SGSH: variants seen among roughly 807,000 people sequenced by gnomAD.
SGSH encodes heparan sulfate sulfatase.
A neutral mutation model predicts 51.0 loss-of-function variants in SGSH; 48 were observed. The ratio of observed to expected loss-of-function variants is 0.94; its 90% CI spans 0.75 to 1.20. SGSH has a LOEUF of 1.20. Among genes scored for constraint, SGSH ranks in the 50% most tolerant of loss-of-function variants. SGSH has a pLI of 0.00. For synonymous variants in SGSH, 321 were observed against 313.4 expected, an observed-to-expected ratio of 1.02 and a Z score of -0.26; for missense variants, 662 against 717.8, an observed-to-expected ratio of 0.92 and a Z score of 0.89.
At chr17:80,205,011 C>A (rs767476687), downstream of SGSH, 6 of 1,533,710 alleles carry the variant, frequency 3.9e-6, no homozygotes, top group South Asian at 7.4e-5. Context: ...GCCTCACCCA[C>A]CCTCAGGATC....
chr17:80,218,039 T>C (rs938539043), intron 1 of SGSH, among the ~76,000 whole-genome samples: 1 of 152,218 alleles, frequency 6.6e-6, no homozygotes, highest in Non-Finnish European at 1.5e-5. Context: ...GCAGGCATGA[T>C]GACCCAACAA....
At chr17:80,204,265 C>T (rs1598706887), downstream of SGSH, 2 of 1,599,320 alleles carry the variant, frequency 1.3e-6, no homozygotes, top group Non-Finnish European at 1.7e-6. Context: ...TCCGCATCGT[C>T]AGTATGGACA....
chr17:80,208,122 A>C, downstream of SGSH: 1 of 1,515,268 alleles, frequency 6.6e-7, no homozygotes, highest in Non-Finnish European at 8.9e-7. Context: ...GCCCCCCCCA[A>C]CTCTGGCCTG....
the SGSH span, chr17:80,201,706 C>T: frequency 6.2e-7 from 1 of 1,612,764 alleles, no homozygotes; most frequent in Non-Finnish European, 8.5e-7. This position sits in a 1 kb window ranked among gnomAD's most constrained non-coding sequence, Gnocchi z 5.0. Flanking sequence ...ATTCAGAGTC[C>T]CGGGGGAAAG....
At chr17:80,211,129 GA>G in intron 7 of SGSH, 118 bp from the exon 8 acceptor site, 1 of 1,532,128 alleles carries the variant, frequency 6.5e-7, no homozygotes, top group Non-Finnish European at 8.7e-7. Context: ...TCAGCAGCGG[GA>G]GGTGCCTTGT....
In SGSH at chr17:80,214,168, C is replaced by CT. The variant is rs1458760040; in HGVS notation, c.663+3dup. The CT allele has an allele frequency of 1.9e-6, 3 of 1,606,430 alleles. No homozygotes were observed. The African/African-American group carries it at 4.0e-5, about 21-fold the overall frequency. On this transcript the variant is annotated splice_donor_region_variant and intron_variant, in intron 5 of 7. Transcript: ENST00000326317. ...GTCCTGAAACACAGGAGGGGCCGTC[C>CT]TACCAGCACGTCCAGTGGGTCGTAG... is the stretch of plus-strand genomic sequence containing the variant.
At chr17:80,216,067 G>A (rs970485914) in intron 2 of SGSH, among the ~76,000 whole-genome samples, 26 of 152,150 alleles carry the variant, frequency 1.7e-4, no homozygotes, top group African/African-American at 4.6e-4. Context: ...GGTGGCTCAC[G>A]CCTGTAATCC....
chr17:80,213,954 C>G lies in SGSH; in HGVS notation c.664-69G>C. The stretch of plus-strand genomic sequence containing the variant: ...GGGGAGCGGTGTCCAGCCTTCTCCC[C>G]GGGGCCTCCTGCAAATGGGTTAGCC... On this transcript the variant is annotated intron_variant, in intron 5 of 7. Coordinates refer to ENST00000326317, the MANE Select transcript of SGSH (RefSeq NM_000199.5). The surrounding 1 kb of genome is among the most constrained non-coding windows in gnomAD (Gnocchi z 4.6). The G allele has an allele frequency of 2.0e-6, 3 of 1,470,308 alleles. No homozygotes were observed. Among genetic ancestry groups the G allele is most frequent in the South Asian group, 2.4e-5 (2 of 84,204 alleles). The allele number at this position is 1,470,308 out of a possible 1,614,324, so 91.1% of individuals were successfully genotyped here.
chr17:80,207,771 A>G, downstream of SGSH: 1 of 245,152 alleles, frequency 4.1e-6, no homozygotes, highest in Non-Finnish European at 7.7e-6. Flanking sequence ...TCAGAGGACC[A>G]TTGTAAGGCC....
chr17:80,213,871 G>A lies in SGSH; in HGVS notation c.678C>T (p.Val226=), dbSNP rs1359009471. ...CGGCTCGGGCTGCCGGGGTGTTGGGGACGAAGTAAGGCACCTGGGGCAGGC... is the reference window on the plus strand; with the variant it reads ...CGGCTCGGGCTGCCGGGGTGTTGGGAACGAAGTAAGGCACCTGGGGCAGGC... ...DPLDVLVPYF[V]PNTPAARADL... is the part of the protein sequence containing the mutation. The change falls in exon 6 of 8, where the codon GTC becomes GTT. Residue 226 remains valine (V), a synonymous_variant. Transcript: ENST00000326317. This position sits in a 1 kb window ranked among gnomAD's most constrained non-coding sequence, Gnocchi z 4.6. The A allele has an allele frequency of 1.9e-6, 3 of 1,608,106 alleles. No homozygotes were observed. In the Admixed American group the frequency reaches 5.0e-5, roughly 27 times the overall value.
Position 80,213,982 on chromosome 17 carries a change from G to C in SGSH, c.664-97C>G. ...GGCCTCCTGCAAATGGGTTAGCCCA[G>C]AACAGCCTCACTCCGGACCACCCCG... On this transcript the variant is annotated intron_variant, in intron 5 of 7. Coordinates refer to ENST00000326317, the MANE Select transcript of SGSH (RefSeq NM_000199.5). This position sits in a 1 kb window ranked among gnomAD's most constrained non-coding sequence, Gnocchi z 4.6. The C allele has an allele frequency of 1.5e-6, 2 of 1,354,578 alleles. No individual in the cohort carries two copies. The highest frequency in any genetic ancestry group is 2.0e-6 in the Non-Finnish European group (2 of 975,840). The allele number at this position is 1,354,578 out of a possible 1,614,324, so 83.9% of individuals were successfully genotyped here.
downstream of SGSH, chr17:80,208,509 TCACA>T (rs201730862): frequency 0.013 from 7,950 of 590,948 alleles, 73 homozygotes; most frequent in Non-Finnish European, 0.016. Flanking sequence ...CACGTGCAGG[TCACA>T]CACAGTGAAG....
downstream of SGSH, among the ~76,000 whole-genome samples, chr17:80,206,335 C>T (rs2041304767): frequency 1.7e-5 from 2 of 120,848 alleles, no homozygotes; most frequent in South Asian, 2.7e-4. Context: ...AGAAAGTAGC[C>T]GGGCACAGTG....
downstream of SGSH, chr17:80,202,025 A>G: frequency 8.1e-7 from 1 of 1,238,120 alleles, no homozygotes. Flanking sequence ...GAGGCCCCCA[A>G]GCCAGCTGGA....
intron 2 of SGSH, 151 bp downstream of exon 2, chr17:80,216,881 A>G: frequency 2.7e-6 from 2 of 747,494 alleles, no homozygotes; most frequent in South Asian, 3.6e-5. Context: ...CTGCACTCAC[A>G]GCCATAGGCT....
rs925785551 is a variant in SGSH, at chr17:80,220,266, C to G, written c.48G>C (p.Gly16=). 6.6e-7 allele frequency: 1 copy of G among 1,522,794 alleles called. No homozygotes were observed. The highest frequency in any genetic ancestry group is 8.8e-7 in the Non-Finnish European group (1 of 1,141,914). 94.3% of individuals were successfully genotyped at this position (1,522,794 alleles called of 1,614,324 possible). A position where few individuals can be genotyped will look rare whatever the true frequency, so the allele number is the denominator to read the frequency against. The change falls in exon 1 of 8, where the codon GGG becomes GGC. Residue 16 remains glycine (G), a synonymous_variant. Coordinates refer to ENST00000326317, the MANE Select transcript of SGSH (RefSeq NM_000199.5). ...PACCALLLVL[G]LCRARPRNAL... Reference sequence around the variant, plus strand: ...CGTTCCGGGGACGCGCCCGGCAGAGCCCCAGGACTAGCAGCAGCGCGCAGC... The same window carrying G: ...CGTTCCGGGGACGCGCCCGGCAGAGGCCCAGGACTAGCAGCAGCGCGCAGC...
At position 80,212,382 on chromosome 17, in the gene SGSH, C is replaced by T. The variant is rs1462258054; in HGVS notation, c.746-108G>A. The stretch of plus-strand genomic sequence containing the variant: ...TGCATCCGGCCGCTGGGCTCCAGCG[C>T]TTTCCGGATTCGAAAGCACCCTGTA... On this transcript the variant is annotated intron_variant, in intron 6 of 7. Coordinates refer to ENST00000326317, the MANE Select transcript of SGSH (RefSeq NM_000199.5). This position sits in a 1 kb window ranked among gnomAD's most constrained non-coding sequence, Gnocchi z 5.9. 17 of 1,010,562 alleles carry T rather than the reference C, an allele frequency of 1.7e-5. No homozygotes were observed. The Admixed American group carries it at 3.4e-4, about 20-fold the overall frequency. The allele number at this position is 1,010,562 out of a possible 1,614,324, so 62.6% of individuals were successfully genotyped here.
rs1358532856 is a variant in SGSH at position 80,212,064 on chromosome 17, G to A, written c.949+7C>T. ...ACCTTTCCTGACGGAGACAGACAAAGGCATACCTAGGAGGCTCACGTAGGC... is the reference window on the plus strand; with the variant it reads ...ACCTTTCCTGACGGAGACAGACAAAAGCATACCTAGGAGGCTCACGTAGGC... On this transcript the variant is annotated splice_region_variant and intron_variant, in intron 7 of 7. Transcript: ENST00000326317. This position sits in a 1 kb window ranked among gnomAD's most constrained non-coding sequence, Gnocchi z 5.9. 6.2e-7 allele frequency: 1 copy of A among 1,612,364 alleles called. No individual in the cohort carries two copies. Among genetic ancestry groups the A allele is most frequent in the Non-Finnish European group, 8.5e-7 (1 of 1,179,304 alleles).
downstream of SGSH, chr17:80,202,480 AGCCTG>A: frequency 1.3e-6 from 2 of 1,576,190 alleles, no homozygotes; most frequent in Admixed American, 3.4e-5. Flanking sequence ...AATGGCACCC[AGCCTG>A]CCTCGGCTTC....
Sources: gnomAD v4.1 joint callset for allele counts (sites outside exome capture counted in the v4.1 genomes callset) on GRCh38, gnomAD v4.1.1 for gene constraint, Gnocchi (gnomAD v3.1) non-coding constraint, MANE v1.5 for transcripts, NCBI Gene and HGNC (gene_info 2026-07-23, HGNC 2026-07-21) for gene names.